The following TENM1 variants were observed in gnomAD, a reference collection of about 807,000 sequenced individuals.
TENM1 encodes the protein teneurin-1.
In TENM1, 35 loss-of-function variants were observed where a neutral mutation model predicts 174.8. The observed-to-expected ratio is 0.20, with a 90% CI of 0.15 to 0.27. The LOEUF is 0.27. Ranked by LOEUF, TENM1 falls within the 10% of genes least tolerant of loss-of-function variation. TENM1 has a pLI of 1.00. For synonymous variants in TENM1, 781 were observed against 798.7 expected (o/e 0.98, Z 0.37); for missense variants, 1,633 against 2,130.1 (o/e 0.77, Z 4.59).
intron 5 of TENM1, among the ~76,000 whole-genome samples, chrX:124,685,851 G>A (rs1271260038): frequency 2.7e-5 from 3 of 111,823 alleles, no homozygotes; most frequent in Non-Finnish European, 5.6e-5. Context: ...GAGCCACCGT[G>A]CCTGGCCTCA....
chrX:124,464,357 A>G (rs182011848), intron 22 of TENM1, among the ~76,000 whole-genome samples: 1 of 112,404 alleles, frequency 8.9e-6, no homozygotes, highest in East Asian at 2.8e-4. Context: ...CAATAAAAGC[A>G]GGATATGAGG....
chrX:124,433,705 T>C (rs2060804545), intron 23 of TENM1, among the ~76,000 whole-genome samples: 1 of 112,459 alleles, frequency 8.9e-6, no homozygotes, highest in Non-Finnish European at 1.9e-5. Context: ...GCAAATAGGC[T>C]CTAAGAAAAA....
At chrX:124,483,200 T>C (rs1296388335) in intron 21 of TENM1, among the ~76,000 whole-genome samples, 1 of 112,263 alleles carries the variant, frequency 8.9e-6, no homozygotes, top group Non-Finnish European at 1.9e-5. Context: ...TACATGTCTT[T>C]TGAGGCTTTA....
intron 11 of TENM1, among the ~76,000 whole-genome samples, chrX:124,607,261 A>G (rs1328793620): frequency 9.0e-6 from 1 of 111,091 alleles, no homozygotes; most frequent in Non-Finnish European, 1.9e-5. Context: ...TAATAAATGA[A>G]TATGGGATAT....
chrX:125,070,995 T>C, the TENM1 span, among the ~76,000 whole-genome samples: 1 of 111,974 alleles, frequency 8.9e-6, no homozygotes, highest in African/African-American at 3.2e-5. Context: ...AGAAAGAAGA[T>C]GGATATATCC....
the TENM1 span, among the ~76,000 whole-genome samples, chrX:124,984,843 T>C: frequency 3.6e-5 from 4 of 111,994 alleles, no homozygotes; most frequent in African/African-American, 1.3e-4. Flanking sequence ...CATGTCCTTA[T>C]ATATAAAATT....
At chrX:124,733,305 C>T (rs1603090844) in intron 4 of TENM1, among the ~76,000 whole-genome samples, 2 of 112,238 alleles carry the variant, frequency 1.8e-5, no homozygotes, top group African/African-American at 6.5e-5. Flanking sequence ...AAAGAATCTT[C>T]TAGTAGTTGT....
chrX:125,134,986 G>A, the TENM1 span, among the ~76,000 whole-genome samples: 3 of 110,850 alleles, frequency 2.7e-5, no homozygotes, highest in Admixed American at 1.9e-4. Context: ...GAGAAGCAGA[G>A]AAGGTCCTAA....
At chrX:124,993,821 C>T in the TENM1 span, among the ~76,000 whole-genome samples, 84 of 110,724 alleles carry the variant, frequency 7.6e-4, no homozygotes, top group East Asian at 0.017. Context: ...CATGCACACA[C>T]ACACACACAC....
chrX:125,094,693 G>C, the TENM1 span, among the ~76,000 whole-genome samples: 1 of 111,771 alleles, frequency 8.9e-6, no homozygotes, highest in Non-Finnish European at 1.9e-5. Flanking sequence ...CTATTGATGT[G>C]GTGACTGTGT....
intron 3 of TENM1, among the ~76,000 whole-genome samples, chrX:124,738,729 C>A (rs905662172): frequency 3.6e-5 from 4 of 111,970 alleles, no homozygotes; most frequent in Non-Finnish European, 7.5e-5. Flanking sequence ...AACCTCTGGG[C>A]TCATACTCAT....
At chrX:124,771,045 G>A (rs766319259) in intron 3 of TENM1, among the ~76,000 whole-genome samples, 1 of 111,834 alleles carries the variant, frequency 8.9e-6, no homozygotes, top group African/African-American at 3.2e-5. Context: ...AGTTCTATAT[G>A]TATAGTTATT....
intron 5 of TENM1, among the ~76,000 whole-genome samples, chrX:124,687,844 A>T (rs2052406602): frequency 8.9e-6 from 1 of 112,628 alleles, no homozygotes; most frequent in Non-Finnish European, 1.9e-5. Context: ...ACACATGTGG[A>T]ATCTAAAAAT....
At chrX:125,159,298 G>A in the TENM1 span, among the ~76,000 whole-genome samples, 44 of 111,910 alleles carry the variant, frequency 3.9e-4, no homozygotes, top group African/African-American at 1.1e-3. Flanking sequence ...TACAGGACCC[G>A]CACACCCATC....
intron 27 of TENM1, among the ~76,000 whole-genome samples, chrX:124,401,503 G>A (rs990382868): frequency 1.8e-5 from 2 of 112,110 alleles, no homozygotes; most frequent in Non-Finnish European, 1.9e-5. Flanking sequence ...TCAGTCCAAG[G>A]TATTGAGGAA....
chrX:124,609,634 C>T (rs1256192655), intron 11 of TENM1, among the ~76,000 whole-genome samples: 1 of 111,709 alleles, frequency 9.0e-6, no homozygotes, highest in African/African-American at 3.2e-5. Context: ...AAAGATATAA[C>T]CTGGACTTAC....
At chrX:124,829,283 G>A (rs754075433) in intron 3 of TENM1, among the ~76,000 whole-genome samples, 1 of 112,105 alleles carries the variant, frequency 8.9e-6, no homozygotes, top group Admixed American at 9.4e-5. Context: ...ATGGTTTTCT[G>A]CAAGATGTAT....
At chrX:124,376,744 GTTTTTTTGTTTTTTGCGCTTTTTTTGT>G in exon 32 of TENM1, 2 of 108,556 alleles carry the variant, frequency 1.8e-5, no homozygotes, top group Middle Eastern at 9.7e-3. Flanking sequence ...GCTTTTTTTT[GTTTTTTTGTTTTTTGCGCTTTTTTTGT>G]TTTTTTTGTT....
intron 14 of TENM1, among the ~76,000 whole-genome samples, chrX:124,551,140 A>G (rs984860427): frequency 8.9e-6 from 1 of 112,521 alleles, no homozygotes; most frequent in Non-Finnish European, 1.9e-5. Flanking sequence ...TAAGATGTAA[A>G]TAACAATAAT....
Sources: gnomAD v4.1 joint callset for allele counts (sites outside exome capture counted in the v4.1 genomes callset) on GRCh38, gnomAD v4.1.1 for gene constraint, MANE v1.5 for transcripts, NCBI Gene and HGNC (gene_info 2026-07-23, HGNC 2026-07-21) for gene names.